Variants in NLRP3 observed in about 807,000 individuals in gnomAD.
The protein encoded by NLRP3 is NLR family pyrin domain containing 3.
A neutral mutation model predicts 91.3 loss-of-function variants in NLRP3; 48 were observed. The ratio of observed to expected loss-of-function variants is 0.53; its 90% CI spans 0.42 to 0.67. NLRP3 has a LOEUF of 0.67. NLRP3 is among the 30% of genes least tolerant of loss of function. NLRP3 has a pLI of 0.00. For missense variants in NLRP3, 982 were observed against 1,276.9 expected (o/e 0.77, Z 3.52); for synonymous variants, 561 against 507.9 (o/e 1.10, Z -1.41).
In NLRP3 at chr1:247,425,075, G is replaced by A. The variant is rs201031071; in HGVS notation, c.1626G>A (p.Thr542=). 8.7e-6 allele frequency: 14 copies of A among 1,614,040 alleles called. No homozygotes were observed. Among genetic ancestry groups the A allele is most frequent in the African/African-American group, 1.3e-5 (1 of 74,928 alleles). Residue 542 remains threonine (T), a synonymous_variant, in exon 4 of 10, where the codon ACG becomes ACA. Coordinates refer to ENST00000336119, the MANE Select transcript of NLRP3 (RefSeq NM_001243133.2). The surrounding 1 kb of genome is among the most constrained non-coding windows in gnomAD (Gnocchi z 4.1). ...TGGAAGAGGAAAAGGAAGGAAGGAC[G>A]AACGTTCCAGGGAGTCGTTTGAAGC... ...YLLEEEKEGR[T]NVPGSRLKLP...
chr1:247,445,951 C>T (rs746815340), intron 9 of NLRP3, among the ~76,000 whole-genome samples: 3 of 152,094 alleles, frequency 2.0e-5, no homozygotes, highest in Non-Finnish European at 2.9e-5. Context: ...TCTGTGTCTC[C>T]GTGCTTGGCT....
At chr1:247,441,117 CTT>C (rs1558206985) in intron 7 of NLRP3, among the ~76,000 whole-genome samples, 3 of 95,428 alleles carry the variant, frequency 3.1e-5, no homozygotes, top group Non-Finnish European at 6.9e-5. Context: ...TTCTTTCTCT[CTT>C]TTTCTTTTTC....
intron 7 of NLRP3, among the ~76,000 whole-genome samples, chr1:247,438,374 T>C (rs1395115192): frequency 8.4e-6 from 1 of 118,992 alleles, no homozygotes; most frequent in Non-Finnish European, 1.7e-5. Flanking sequence ...ACTGGTTTAG[T>C]TGTGTTTTTT....
intron 1 of NLRP3, among the ~76,000 whole-genome samples, chr1:247,417,606 C>T (rs528849168): frequency 2.6e-5 from 4 of 152,092 alleles, no homozygotes; most frequent in South Asian, 2.1e-4. Flanking sequence ...CTCAGCCTCC[C>T]GAGTAGCTGG....
intron 8 of NLRP3, 116 bp from the exon 9 acceptor site, chr1:247,444,535 T>C: frequency 9.1e-7 from 1 of 1,095,316 alleles, no homozygotes; most frequent in Non-Finnish European, 1.4e-6. Context: ...GTTAGTCCTG[T>C]GCTCCTGTGC....
At position 247,441,201 on chromosome 1, in the gene NLRP3, C is replaced by T. The variant is rs112875622; in HGVS notation, c.2664-2771C>T. On this transcript the variant is annotated intron_variant, in intron 7 of 9. Coordinates refer to ENST00000336119, the MANE Select transcript of NLRP3 (RefSeq NM_001243133.2). ...TCTCCCTTCCCTTCCCCTCCCCCCC[C>T]CCTTTCCCTTTCCCCTTTCCTTTCC... Among the ~76,000 whole-genome samples, 551 of 128,562 alleles carry T rather than the reference C, an allele frequency of 4.3e-3. 2 individuals are homozygous for T. Among genetic ancestry groups the T allele is most frequent in the African/African-American group, 0.015 (521 of 34,178 alleles). 84.3% of individuals were successfully genotyped at this position (128,562 alleles called of 152,430 possible). A position where few individuals can be genotyped will look rare whatever the true frequency, so the allele number is the denominator to read the frequency against.
At chr1:247,436,201 A>AAAATGTGG in intron 7 of NLRP3, 61 bp downstream of exon 7, 1 of 1,547,600 alleles carries the variant, frequency 6.5e-7, no homozygotes, top group South Asian at 1.1e-5. Context: ...AATTATTTGG[A>AAAATGTGG]AAATGTGGAT....
Position 247,424,860 on chromosome 1 carries a change from G to T in NLRP3, c.1411G>T (p.Ala471Ser). ...CAHLWGLCSLAADGIWNQKIL... is the reference protein window; with the variant it reads ...CAHLWGLCSLSADGIWNQKIL... Reference sequence around the variant, plus strand: ...CCACCTCTGGGGGCTCTGCTCTTTGGCTGCAGATGGAATCTGGAACCAGAA... The same window carrying T: ...CCACCTCTGGGGGCTCTGCTCTTTGTCTGCAGATGGAATCTGGAACCAGAA... The change falls in exon 4 of 10, where the codon GCT becomes TCT. Residue 471 changes from alanine (A) to serine (S), a missense_variant. By Grantham distance (99) the Ala-to-Ser change is moderately conservative (BLOSUM62 1). Around this residue, in one of 5 missense-constraint regions of NLRP3, gnomAD observed 548 missense variants for 713.7 expected, o/e 0.77. Coordinates refer to ENST00000336119, the MANE Select transcript of NLRP3 (RefSeq NM_001243133.2). The surrounding 1 kb of genome is among the most constrained non-coding windows in gnomAD (Gnocchi z 8.1). 1 of 1,608,390 alleles carries T rather than the reference G, an allele frequency of 6.2e-7. No homozygotes were observed. Among genetic ancestry groups the T allele is most frequent in the Non-Finnish European group, 8.5e-7 (1 of 1,180,004 alleles).
intron 3 of NLRP3, 53 bp from the exon 4 acceptor site, chr1:247,423,794 A>G (rs997861829): frequency 6.7e-7 from 1 of 1,500,156 alleles, no homozygotes; most frequent in Non-Finnish European, 9.2e-7. Flanking sequence ...CTGAGAGCGC[A>G]TCTCAGGTGG....
In NLRP3 at chr1:247,425,097, A is replaced by G. The variant is rs772804629; in HGVS notation, c.1648A>G (p.Lys550Glu). 1.2e-6 allele frequency: 2 copies of G among 1,610,948 alleles called. No individual in the cohort carries two copies. Among genetic ancestry groups the G allele is most frequent in the South Asian group, 2.2e-5 (2 of 91,010 alleles). ...GACGAACGTTCCAGGGAGTCGTTTGAAGCTTCCCAGCCGAGACGTGACAGT... is the reference window on the plus strand; with the variant it reads ...GACGAACGTTCCAGGGAGTCGTTTGGAGCTTCCCAGCCGAGACGTGACAGT... ...GRTNVPGSRLKLPSRDVTVLL... is the reference protein window; with the variant it reads ...GRTNVPGSRLELPSRDVTVLL... The change falls in exon 4 of 10, where the codon AAG (lysine) becomes GAG (glutamate). Residue 550 changes from lysine to glutamate, a missense_variant. By Grantham distance (56) the Lys-to-Glu change is moderately conservative (BLOSUM62 1). Transcript: ENST00000336119. The surrounding 1 kb of genome is among the most constrained non-coding windows in gnomAD (Gnocchi z 4.1).
chr1:247,435,260 A>G (rs1302715260), intron 6 of NLRP3, among the ~76,000 whole-genome samples: 1 of 152,194 alleles, frequency 6.6e-6, no homozygotes, highest in Non-Finnish European at 1.5e-5. Context: ...AACAGAAGGC[A>G]GGAACTCAAA....
intron 5 of NLRP3, among the ~76,000 whole-genome samples, chr1:247,431,116 G>A (rs998004928): frequency 1.3e-5 from 2 of 152,004 alleles, no homozygotes; most frequent in African/African-American, 2.4e-5. Flanking sequence ...CCCGGGAGGC[G>A]GAGATGGCAG....
rs370151784 is a variant in NLRP3, at chr1:247,426,718, C to T, written c.2150+1119C>T. Among the ~76,000 whole-genome samples, 11 of 152,162 alleles carry T rather than the reference C, an allele frequency of 7.2e-5. No individual in the cohort carries two copies. The East Asian group carries it at 1.5e-3, about 21-fold the overall frequency. On this transcript the variant is annotated intron_variant, in intron 4 of 9. Transcript: ENST00000336119. Reference sequence around the variant, plus strand: ...CTGTGGGACAGTCCGGAAACAAGTGCAGATGTCGGGGAGGGGGTCATGGGC... The same window carrying T: ...CTGTGGGACAGTCCGGAAACAAGTGTAGATGTCGGGGAGGGGGTCATGGGC...
intron 2 of NLRP3, among the ~76,000 whole-genome samples, chr1:247,422,129 A>C (rs1662503038): frequency 7.2e-6 from 1 of 139,550 alleles, no homozygotes. Flanking sequence ...CTGTAATCCC[A>C]GCACTTCAGG....
In NLRP3 at chr1:247,432,853, T is replaced by C. The variant is rs528729846; in HGVS notation, c.2322-1250T>C. ...GGTGGTGGTGACGGTGGTAGTGATG[T>C]GCGTGTGTGTTTGTGTGCATGTGTG... On this transcript the variant is annotated intron_variant, in intron 5 of 9. Coordinates refer to ENST00000336119, the MANE Select transcript of NLRP3 (RefSeq NM_001243133.2). Among the ~76,000 whole-genome samples, 4 of 152,030 alleles carry C rather than the reference T, an allele frequency of 2.6e-5. No homozygotes were observed. In the East Asian group the frequency reaches 5.8e-4, roughly 22 times the overall value.
intron 7 of NLRP3, among the ~76,000 whole-genome samples, chr1:247,439,907 T>G (rs1308138860): frequency 1.3e-5 from 2 of 152,234 alleles, no homozygotes; most frequent in Admixed American, 6.5e-5. Flanking sequence ...AAAGCACATT[T>G]GTATATATAG....
In NLRP3 at chr1:247,424,295, C is replaced by T. The variant is rs748562362; in HGVS notation, c.846C>T (p.Asn282=). Residue 282 remains asparagine, a synonymous_variant, in exon 4 of 10, where the codon AAC becomes AAT. Coordinates refer to ENST00000336119, the MANE Select transcript of NLRP3 (RefSeq NM_001243133.2). This position sits in a 1 kb window ranked among gnomAD's most constrained non-coding sequence, Gnocchi z 8.1. ...TCATGAGCTGCTGCCCCGACCCAAA[C>T]CCACCCATCCACAAGATCGTGAGAA... The part of the protein sequence containing the change: ...DLIMSCCPDP[N]PPIHKIVRKP... 1.4e-6 allele frequency: 2 copies of T among 1,406,556 alleles called. No individual in the cohort carries two copies. Among genetic ancestry groups the T allele is most frequent in the African/African-American group, 1.4e-5 (1 of 70,216 alleles). The allele number at this position is 1,406,556 out of a possible 1,614,324, so 87.1% of individuals were successfully genotyped here. A position where few individuals can be genotyped will look rare whatever the true frequency, so the allele number is the denominator to read the frequency against.
chr1:247,434,317 G>A (rs200720785), intron 6 of NLRP3, 44 bp downstream of exon 6: 27 of 1,609,594 alleles, frequency 1.7e-5, no homozygotes, highest in East Asian at 4.5e-5. Context: ...CCAGCGAGGC[G>A]TGCTGCGCAC....
At chr1:247,434,346 C>A in intron 6 of NLRP3, 73 bp downstream of exon 6, 1 of 1,512,436 alleles carries the variant, frequency 6.6e-7, no homozygotes, top group Non-Finnish European at 9.1e-7. Flanking sequence ...CAGTGAGGCC[C>A]GGTGGGCTGG....
Sources: gnomAD v4.1 joint callset for allele counts (sites outside exome capture counted in the v4.1 genomes callset) on GRCh38, gnomAD v4.1.1 for gene constraint, gnomAD v4.1.1 regional missense constraint, Gnocchi (gnomAD v3.1) non-coding constraint, MANE v1.5 for transcripts, NCBI Gene and HGNC (gene_info 2026-07-23, HGNC 2026-07-21) for gene names.